Variants in GABRB1 observed in about 807,000 individuals in gnomAD.
GABRB1 encodes the protein gamma-aminobutyric acid type A receptor subunit beta1, also known as gamma-aminobutyric acid receptor subunit beta-1.
GABRB1 carries 17 observed loss-of-function variants against 51.6 expected under a neutral mutation model. The observed-to-expected ratio is 0.33, with a 90% CI of 0.23 to 0.49. The LOEUF (loss-of-function observed/expected upper bound fraction) is 0.49, where lower values mean the gene tolerates loss of function less well. Among genes scored for constraint, GABRB1 ranks in the 20% least tolerant of loss-of-function variants. The pLI is 0.99. For missense variants in GABRB1, 410 were observed against 600.6 expected (o/e 0.68, Z 3.32); for synonymous variants, 247 against 218.9 (o/e 1.13, Z -1.14).
intron 1 of GABRB1, among the ~76,000 whole-genome samples, chr4:47,008,633 T>A (rs1430384421): frequency 6.9e-6 from 1 of 144,256 alleles, no homozygotes; most frequent in African/African-American, 2.6e-5. Flanking sequence ...CAGCTAATTT[T>A]TTTTTTTTTT....
intron 3 of GABRB1, among the ~76,000 whole-genome samples, chr4:47,048,497 T>A (rs1726197985): frequency 6.6e-6 from 1 of 152,162 alleles, no homozygotes; most frequent in African/African-American, 2.4e-5. Flanking sequence ...GCAGGATGAA[T>A]AAAATTGTGT....
intron 4 of GABRB1, among the ~76,000 whole-genome samples, chr4:47,241,985 C>T (rs1243058088): frequency 2.6e-5 from 4 of 151,916 alleles, no homozygotes; most frequent in East Asian, 1.9e-4. Context: ...GTGCTGTACC[C>T]GTTAACTGGT....
intron 3 of GABRB1, among the ~76,000 whole-genome samples, chr4:47,041,673 A>G (rs1243038747): frequency 6.6e-6 from 1 of 152,104 alleles, no homozygotes; most frequent in Non-Finnish European, 1.5e-5. Context: ...CTAGCCCTCC[A>G]TGACTCACGG....
chr4:47,084,116 A>G (rs1013850705), intron 3 of GABRB1, among the ~76,000 whole-genome samples: 1 of 152,212 alleles, frequency 6.6e-6, no homozygotes, highest in African/African-American at 2.4e-5. Flanking sequence ...TAAACCAGCT[A>G]TGGTTTCTTT....
intron 4 of GABRB1, among the ~76,000 whole-genome samples, chr4:47,254,003 ATAAAAAGATTG>A (rs1396822249): frequency 2.0e-5 from 3 of 152,238 alleles, no homozygotes; most frequent in Non-Finnish European, 4.4e-5. Context: ...ATGCTTAAAA[ATAAAAAGATTG>A]TACTGACAAT....
chr4:47,295,520 G>A (rs1242066661), intron 4 of GABRB1, among the ~76,000 whole-genome samples: 1 of 152,130 alleles, frequency 6.6e-6, no homozygotes, highest in Non-Finnish European at 1.5e-5. Context: ...GATGGAAGAT[G>A]AAATGAATGA....
At chr4:47,150,753 T>A (rs1287442337) in intron 3 of GABRB1, among the ~76,000 whole-genome samples, 2 of 151,236 alleles carry the variant, frequency 1.3e-5, no homozygotes, top group East Asian at 1.9e-4. Context: ...GGAGGAGAGG[T>A]GATAAGCAAT....
At chr4:47,208,550 T>A (rs1720228867) in intron 4 of GABRB1, among the ~76,000 whole-genome samples, 1 of 152,048 alleles carries the variant, frequency 6.6e-6, no homozygotes, top group African/African-American at 2.4e-5. Context: ...CCAAAAAACA[T>A]TGAATTGTAT....
At chr4:47,381,630 C>G (rs1308944452) in intron 5 of GABRB1, among the ~76,000 whole-genome samples, 1 of 152,200 alleles carries the variant, frequency 6.6e-6, no homozygotes, top group Non-Finnish European at 1.5e-5. Flanking sequence ...CTACTCATGT[C>G]TCAGAACTTG....
chr4:47,134,123 G>A (rs1716540051), intron 3 of GABRB1, among the ~76,000 whole-genome samples: 1 of 152,118 alleles, frequency 6.6e-6, no homozygotes, highest in Non-Finnish European at 1.5e-5. Flanking sequence ...GTTTTAAAAA[G>A]TCTTTTCTTC....
intron 5 of GABRB1, among the ~76,000 whole-genome samples, chr4:47,364,214 G>C (rs1297473339): frequency 6.6e-6 from 1 of 152,132 alleles, no homozygotes; most frequent in Non-Finnish European, 1.5e-5. Flanking sequence ...GGATTTTGGG[G>C]AGATTCTCTC....
chr4:47,157,618 T>C (rs568786975), intron 3 of GABRB1, among the ~76,000 whole-genome samples: 38 of 152,178 alleles, frequency 2.5e-4, no homozygotes, highest in African/African-American at 8.7e-4. Context: ...TATGAAAGGG[T>C]TATGAGAACC....
chr4:47,377,519 A>G (rs185090435), intron 5 of GABRB1, among the ~76,000 whole-genome samples: 1 of 151,976 alleles, frequency 6.6e-6, no homozygotes, highest in Non-Finnish European at 1.5e-5. Context: ...CCAAAGAATG[A>G]GCAGCAGCAA....
rs141263659 is a variant in GABRB1, at chr4:47,180,649, C to T, written c.461+19180C>T. ...TATCTCATTTTGTACTGTCTAAGGTCTTTCTAAATGTAGTACTAAGTCCTG... is the reference window on the plus strand; with the variant it reads ...TATCTCATTTTGTACTGTCTAAGGTTTTTCTAAATGTAGTACTAAGTCCTG... On this transcript the variant is annotated intron_variant, in intron 4 of 8. Transcript: ENST00000295454. Among the ~76,000 whole-genome samples the T allele has an allele frequency of 2.7e-3, 410 of 152,098 alleles. 2 individuals are homozygous for T. Among genetic ancestry groups the T allele is most frequent in the African/African-American group, 9.3e-3 (386 of 41,542 alleles).
At chr4:47,168,517 C>G (rs1459145180) in intron 4 of GABRB1, among the ~76,000 whole-genome samples, 1 of 152,038 alleles carries the variant, frequency 6.6e-6, no homozygotes, top group African/African-American at 2.4e-5. Context: ...CTATCTCCAT[C>G]TCCTATATTA....
chr4:47,141,111 C>A (rs1386919367), intron 3 of GABRB1, among the ~76,000 whole-genome samples: 1 of 151,656 alleles, frequency 6.6e-6, no homozygotes, highest in East Asian at 1.9e-4. Context: ...CAACTAATAT[C>A]GCTATACTAG....
At chr4:47,182,350 G>T (rs989339127) in intron 4 of GABRB1, among the ~76,000 whole-genome samples, 2 of 151,928 alleles carry the variant, frequency 1.3e-5, no homozygotes, top group African/African-American at 4.8e-5. Flanking sequence ...CAGAAAAAAG[G>T]TATGACATTC....
intron 5 of GABRB1, among the ~76,000 whole-genome samples, chr4:47,378,228 G>A (rs1390968730): frequency 3.3e-5 from 5 of 152,178 alleles, no homozygotes; most frequent in Admixed American, 6.5e-5. Context: ...GCGAGAAATC[G>A]AGCGCAGCGC....
rs774708744 is a variant in GABRB1 at position 47,381,355 on chromosome 4, G to A, written c.545-21963G>A. Among the ~76,000 whole-genome samples the A allele has an allele frequency of 4.6e-5, 7 of 152,276 alleles. No individual in the cohort carries two copies. The Middle Eastern group carries it at 0.01, about 222-fold the overall frequency. ...AGCTCCCACTCAACTCTCTGCACCA[G>A]TGATGTGCTCAAGACTTAACTGGTC... On this transcript the variant is annotated intron_variant, in intron 5 of 8. Coordinates refer to ENST00000295454, the MANE Select transcript of GABRB1 (RefSeq NM_000812.4).
Sources: allele counts gnomAD v4.1 joint callset (sites outside exome capture counted in the v4.1 genomes callset), GRCh38; gene constraint gnomAD v4.1.1; transcripts MANE v1.5; gene names NCBI Gene and HGNC (gene_info 2026-07-23, HGNC 2026-07-21).